Variants in ERG observed in about 807,000 individuals in gnomAD.
ERG encodes ETS transcription factor ERG.
Under a neutral mutation model 55.3 loss-of-function variants are expected in ERG, and 9 were observed. The observed-to-expected ratio is 0.16, with a 90% CI of 0.10 to 0.28. The LOEUF is 0.28. ERG is among the 10% of genes least tolerant of loss of function. ERG has a pLI of 1.00. For missense variants in ERG, 434 were observed against 631.6 expected (o/e 0.69, Z 3.35); for synonymous variants, 223 against 237.3 (o/e 0.94, Z 0.55).
intron 1 of ERG, among the ~76,000 whole-genome samples, chr21:38,659,422 C>T (rs1395582533): frequency 6.6e-6 from 1 of 152,244 alleles, no homozygotes; most frequent in African/African-American, 2.4e-5. Context: ...CTGGCCTGCC[C>T]CGGGAGCGGG....
chr21:38,429,270 G>A (rs936818947), intron 2 of ERG, among the ~76,000 whole-genome samples: 21 of 150,132 alleles, frequency 1.4e-4, no homozygotes, highest in Admixed American at 8.6e-4. Context: ...ATACACACAC[G>A]CATATATACA....
At chr21:38,477,707 G>C (rs2059201583) in intron 1 of ERG, among the ~76,000 whole-genome samples, 2 of 152,162 alleles carry the variant, frequency 1.3e-5, no homozygotes, top group Non-Finnish European at 1.5e-5. Flanking sequence ...ATAGGTAAAG[G>C]GTAAGGGCCC....
At chr21:38,388,396 C>T (rs1987806208) in intron 9 of ERG, among the ~76,000 whole-genome samples, 1 of 152,166 alleles carries the variant, frequency 6.6e-6, no homozygotes, top group Non-Finnish European at 1.5e-5. Flanking sequence ...TCATCCTGTG[C>T]ATTCATACTA....
In ERG at chr21:38,392,363, G is replaced by C. The variant is rs2146431246; in HGVS notation, c.814+13C>G. On this transcript the variant is annotated intron_variant, in intron 7 of 9. Transcript: ENST00000288319. ...TGACATGAAACTCAGGGTCATGGGA[G>C]CCAACACTGTACCTTTCGACTGGGG... 4 of 1,559,094 alleles carry C rather than the reference G, an allele frequency of 2.6e-6. No individual in the cohort carries two copies. The highest frequency in any genetic ancestry group is 3.5e-6 in the Non-Finnish European group (4 of 1,149,878).
At chr21:38,573,892 A>T (rs1234921561) in intron 2 of ERG, among the ~76,000 whole-genome samples, 1 of 152,236 alleles carries the variant, frequency 6.6e-6, no homozygotes, top group Non-Finnish European at 1.5e-5. Flanking sequence ...AGATAATAAG[A>T]TAAATCAGAG....
intron 1 of ERG, among the ~76,000 whole-genome samples, chr21:38,637,722 G>A (rs888214345): frequency 1.3e-5 from 2 of 152,050 alleles, no homozygotes; most frequent in Non-Finnish European, 2.9e-5. Flanking sequence ...ACTGTCTGTG[G>A]TAGCCTGTTC....
chr21:38,441,924 C>A (rs1376178701), intron 2 of ERG, among the ~76,000 whole-genome samples: 1 of 152,208 alleles, frequency 6.6e-6, no homozygotes, highest in African/African-American at 2.4e-5. Flanking sequence ...ACCGAACCCA[C>A]CGGAGGACCC....
chr21:38,594,862 C>G (rs1438952803), intron 1 of ERG, among the ~76,000 whole-genome samples: 2 of 152,110 alleles, frequency 1.3e-5, no homozygotes, highest in African/African-American at 2.4e-5. Context: ...AATAGAAGCC[C>G]CCTGTCGAAA....
chr21:38,383,073 T>G lies in ERG; in HGVS notation c.*330A>C. The G allele has an allele frequency of 1.7e-5, 19 of 1,109,630 alleles. No individual in the cohort carries two copies. The highest frequency in any genetic ancestry group is 2.0e-5 in the Non-Finnish European group (18 of 909,806). 68.7% of individuals were successfully genotyped at this position (1,109,630 alleles called of 1,614,324 possible). On this transcript the variant is annotated 3_prime_UTR_variant, in exon 10 of 10. Transcript: ENST00000288319. The surrounding 1 kb of genome is among the most constrained non-coding windows in gnomAD (Gnocchi z 5.7). ...AGTTTGCATTAGTGGGATTCCAAAC[T>G]CTACTCTAAAGTTTATACATTTCTT...
intron 2 of ERG, among the ~76,000 whole-genome samples, chr21:38,563,599 T>C (rs947283825): frequency 2.6e-5 from 4 of 152,226 alleles, no homozygotes; most frequent in African/African-American, 9.7e-5. Flanking sequence ...AATACCGACA[T>C]GTTCAATTCT....
chr21:38,403,093 G>T (rs1311330439), intron 4 of ERG, among the ~76,000 whole-genome samples: 1 of 152,208 alleles, frequency 6.6e-6, no homozygotes, highest in Non-Finnish European at 1.5e-5. Context: ...ATAAAGTGGG[G>T]CTTCATGTAG....
chr21:38,368,863 C>A, the ERG span, among the ~76,000 whole-genome samples: 1 of 152,076 alleles, frequency 6.6e-6, no homozygotes, highest in Non-Finnish European at 1.5e-5. Flanking sequence ...TGAGAACATA[C>A]GGTATTTGGT....
intron 1 of ERG, among the ~76,000 whole-genome samples, chr21:38,597,963 G>T (rs1338472186): frequency 2.0e-5 from 3 of 152,190 alleles, no homozygotes; most frequent in African/African-American, 7.2e-5. Flanking sequence ...TCGTTAATAA[G>T]CACAAAACAA....
chr21:38,451,247 A>G (rs1208607834), intron 1 of ERG: 3 of 500,634 alleles, frequency 6.0e-6, no homozygotes, highest in African/African-American at 1.9e-5. Context: ...GCTGGGAACC[A>G]GTAAGGACTT....
intron 6 of ERG, chr21:38,400,170 C>T (rs1988418240): frequency 2.4e-6 from 1 of 416,716 alleles, no homozygotes. Context: ...CATGCTTCTG[C>T]TCTGCAAGAC....
At chr21:38,400,719 C>T (rs1988449073) in intron 5 of ERG, 74 bp from the exon 6 acceptor site, 1 of 1,142,736 alleles carries the variant, frequency 8.8e-7, no homozygotes, top group Admixed American at 2.0e-5. Flanking sequence ...AGCGCCAAAT[C>T]TACTTTTCCC....
chr21:38,444,182 A>G (rs1052211313), intron 2 of ERG, among the ~76,000 whole-genome samples: 36 of 152,242 alleles, frequency 2.4e-4, no homozygotes, highest in Admixed American at 2.2e-3. Context: ...GTTAAAACAT[A>G]TATGTAACAA....
chr21:38,601,734 G>A (rs2060165737), intron 1 of ERG, among the ~76,000 whole-genome samples: 2 of 152,050 alleles, frequency 1.3e-5, no homozygotes, highest in South Asian at 4.1e-4. Flanking sequence ...GAGGATAACA[G>A]TTTTCTCCTA....
intron 2 of ERG, among the ~76,000 whole-genome samples, chr21:38,534,180 A>G (rs184307208): frequency 6.6e-6 from 1 of 152,292 alleles, no homozygotes; most frequent in East Asian, 1.9e-4. Flanking sequence ...TCTGAGCTTC[A>G]TTCTCAGCAT....
Sources: allele counts gnomAD v4.1 joint callset (sites outside exome capture counted in the v4.1 genomes callset), GRCh38; gene constraint gnomAD v4.1.1; non-coding constraint Gnocchi (gnomAD v3.1); transcripts MANE v1.5; gene names NCBI Gene and HGNC (gene_info 2026-07-23, HGNC 2026-07-21).